Variants in TUSC3 observed in about 807,000 individuals in gnomAD.
The protein encoded by TUSC3 is tumor suppressor candidate 3.
In TUSC3, 45 loss-of-function variants were observed where a neutral mutation model predicts 44.8. The ratio of observed to expected loss-of-function variants is 1.00; its 90% CI spans 0.79 to 1.29. TUSC3 has a LOEUF of 1.29. TUSC3 is among the 50% of genes most tolerant of loss of function. TUSC3 has a pLI of 0.00. For missense variants in TUSC3, 519 were observed against 437.9 expected (o/e 1.19, Z -1.65); for synonymous variants, 212 against 152.9 (o/e 1.39, Z -2.85).
the TUSC3 span, among the ~76,000 whole-genome samples, chr8:15,827,831 T>A: frequency 6.6e-6 from 1 of 152,108 alleles, no homozygotes; most frequent in Non-Finnish European, 1.5e-5. Context: ...TGAGAGTTGA[T>A]GCCGGAATGT....
intron 1 of TUSC3, among the ~76,000 whole-genome samples, chr8:15,614,092 C>G (rs1470840044): frequency 6.6e-6 from 1 of 151,274 alleles, no homozygotes; most frequent in Non-Finnish European, 1.5e-5. Context: ...TTTTTCTCCC[C>G]TAAAGACTTG....
chr8:15,733,495 G>C (rs1170123278), intron 7 of TUSC3: 9 of 293,128 alleles, frequency 3.1e-5, no homozygotes, highest in South Asian at 2.5e-4. Context: ...TCCTTTTATT[G>C]TATGGCAGGA....
chr8:15,434,000 T>G (rs1799913104), intron 1 of TUSC3, among the ~76,000 whole-genome samples: 1 of 152,300 alleles, frequency 6.6e-6, no homozygotes, highest in African/African-American at 2.4e-5. Context: ...CTGTGTCATA[T>G]ACTAAGTATA....
At chr8:15,826,050 T>C in the TUSC3 span, among the ~76,000 whole-genome samples, 2 of 152,166 alleles carry the variant, frequency 1.3e-5, no homozygotes, top group Non-Finnish European at 2.9e-5. Flanking sequence ...TCATTTTCCA[T>C]GTTACTTTGT....
intron 1 of TUSC3, among the ~76,000 whole-genome samples, chr8:15,583,722 A>G (rs1803476460): frequency 6.6e-6 from 1 of 152,314 alleles, no homozygotes; most frequent in Middle Eastern, 3.4e-3. Flanking sequence ...TACATGCCAT[A>G]TTTTGTGGGA....
intron 1 of TUSC3, among the ~76,000 whole-genome samples, chr8:15,574,327 A>C (rs1803006228): frequency 6.6e-6 from 1 of 152,114 alleles, no homozygotes; most frequent in African/African-American, 2.4e-5. Flanking sequence ...ATTATAAATA[A>C]ATATGATGAG....
intron 9 of TUSC3, among the ~76,000 whole-genome samples, chr8:15,752,401 G>C (rs1035180675): frequency 1.3e-5 from 2 of 151,888 alleles, no homozygotes; most frequent in Non-Finnish European, 2.9e-5. Flanking sequence ...TAGACAGAAA[G>C]AAATATATGA....
intron 6 of TUSC3, among the ~76,000 whole-genome samples, chr8:15,689,821 GGTGTGTGTGTGTGTGTGTGT>G (rs71543657): frequency 5.3e-5 from 7 of 131,022 alleles, no homozygotes; most frequent in African/African-American, 1.5e-4. Flanking sequence ...AATAGTCCAT[GGTGTGTGTGTGTGTGTGTGT>G]GTGTGTGTGT....
intron 1 of TUSC3, among the ~76,000 whole-genome samples, chr8:15,420,913 C>G (rs1325204926): frequency 6.6e-6 from 1 of 152,146 alleles, no homozygotes; most frequent in Non-Finnish European, 1.5e-5. Flanking sequence ...TAATCTTCTA[C>G]TCTTTAACAA....
At chr8:15,760,158 A>G (rs1216830521) in intron 10 of TUSC3, among the ~76,000 whole-genome samples, 1 of 152,142 alleles carries the variant, frequency 6.6e-6, no homozygotes, top group African/African-American at 2.4e-5. Flanking sequence ...ATTAATAGCT[A>G]ATAACAAAGA....
At chr8:15,540,809 C>T (rs186610096) in intron 1 of TUSC3, among the ~76,000 whole-genome samples, 4 of 152,312 alleles carry the variant, frequency 2.6e-5, no homozygotes, top group Non-Finnish European at 5.9e-5. Flanking sequence ...CACCTCACAC[C>T]TTTCAGACCC....
At chr8:15,851,120 A>C in the TUSC3 span, among the ~76,000 whole-genome samples, 4 of 152,240 alleles carry the variant, frequency 2.6e-5, no homozygotes, top group African/African-American at 9.6e-5. Context: ...GCTCAACATT[A>C]ATGATCTAAA....
intron 1 of TUSC3, among the ~76,000 whole-genome samples, chr8:15,603,291 A>G (rs1804370353): frequency 6.6e-6 from 1 of 151,756 alleles, no homozygotes; most frequent in African/African-American, 2.4e-5. Context: ...CATGGATATG[A>G]AAATTAGAGG....
chr8:15,499,174 C>A (rs911261292), intron 2 of TUSC3, among the ~76,000 whole-genome samples: 2 of 152,160 alleles, frequency 1.3e-5, no homozygotes, highest in Non-Finnish European at 2.9e-5. Context: ...CCAAGCCCCA[C>A]TAGCCTCTCT....
intron 6 of TUSC3, among the ~76,000 whole-genome samples, chr8:15,712,642 C>T (rs1010458301): frequency 6.6e-6 from 1 of 152,050 alleles, no homozygotes; most frequent in East Asian, 1.9e-4. Context: ...TATCTTCTTG[C>T]CAATCCCCAA....
chr8:15,586,267 C>G (rs1437916378), intron 1 of TUSC3, among the ~76,000 whole-genome samples: 2 of 152,044 alleles, frequency 1.3e-5, no homozygotes, highest in East Asian at 1.9e-4. Context: ...AAACAAACAG[C>G]TTACCTTTGA....
intron 7 of TUSC3, among the ~76,000 whole-genome samples, chr8:15,741,042 G>A (rs1243762516): frequency 6.6e-6 from 1 of 152,110 alleles, no homozygotes. Flanking sequence ...AAAATGATAT[G>A]AAGATACATT....
chr8:15,664,713 T>C (rs901244302), intron 5 of TUSC3, among the ~76,000 whole-genome samples: 1 of 149,738 alleles, frequency 6.7e-6, no homozygotes, highest in Non-Finnish European at 1.5e-5. Context: ...TTGCAGTTTT[T>C]CTCATTAATA....
chr8:15,551,432 A>G (rs1052497665), intron 1 of TUSC3, among the ~76,000 whole-genome samples: 8 of 151,814 alleles, frequency 5.3e-5, no homozygotes, highest in African/African-American at 1.9e-4. Flanking sequence ...AAGCCTAAAT[A>G]ACGTTAATTT....
Sources: allele counts gnomAD v4.1 joint callset (sites outside exome capture counted in the v4.1 genomes callset), GRCh38; gene constraint gnomAD v4.1.1; transcripts MANE v1.5; gene names NCBI Gene and HGNC (gene_info 2026-07-23, HGNC 2026-07-21).